NR2F1-AS1: variants seen among roughly 807,000 people sequenced by gnomAD.
NR2F1-AS1 encodes NR2F1 antisense RNA 1.
intron 4 of NR2F1-AS1, among the ~76,000 whole-genome samples, chr5:93,552,340 A>G (rs1752250019): frequency 6.6e-6 from 1 of 152,192 alleles, no homozygotes. Flanking sequence ...AATGGTAAGA[A>G]CGAGAATATG....
At chr5:93,564,745 C>T (rs1003548770) in intron 1 of NR2F1-AS1, among the ~76,000 whole-genome samples, 7 of 152,096 alleles carry the variant, frequency 4.6e-5, no homozygotes, top group Non-Finnish European at 7.4e-5. Flanking sequence ...TGTAAAAAGA[C>T]GCTTGTGTTT....
At chr5:93,460,818 A>C (rs1750074371) in intron 4 of NR2F1-AS1, among the ~76,000 whole-genome samples, 1 of 152,226 alleles carries the variant, frequency 6.6e-6, no homozygotes, top group African/African-American at 2.4e-5. Context: ...ACTATTATTA[A>C]AAAGTCAAAA....
chr5:93,544,124 A>T (rs1752021016), intron 4 of NR2F1-AS1: 1 of 152,208 alleles, frequency 6.6e-6, no homozygotes, highest in Admixed American at 6.5e-5. Flanking sequence ...AAATAAAATA[A>T]AATATTTTTA....
upstream of NR2F1-AS1, among the ~76,000 whole-genome samples, chr5:93,581,735 C>CTCTCTCTCTCT (rs1753057693): frequency 3.7e-5 from 1 of 26,778 alleles, no homozygotes; most frequent in African/African-American, 3.2e-4. Context: ...TCTCTCTCTC[C>CTCTCTCTCTCT]CCCTCTCCCT....
rs544796968 is a variant in NR2F1-AS1, at chr5:93,565,162, C to T, written n.314-1699G>A. On this transcript the variant is annotated intron_variant and non_coding_transcript_variant, in intron 1 of 5. Transcript: ENST00000660523. ...CCTGCCCTGTGACTTATTATATAGT[C>T]TTAGGCAAGTTACTTAGCCTTTCTT... Among the ~76,000 whole-genome samples, 5 of 152,244 alleles carry T rather than the reference C, an allele frequency of 3.3e-5. No homozygotes were observed. In the South Asian group the frequency reaches 1.0e-3, roughly 32 times the overall value.
rs1007863959 is a variant in NR2F1-AS1 at position 93,488,398 on chromosome 5, A to C, written n.638+65363T>G. ...GGAACTTAAACAAATTTACAAGAAA[A>C]AAACAAGCAACCCCATCAAAAAGTG... On this transcript the variant is annotated intron_variant and non_coding_transcript_variant, in intron 4 of 5. Coordinates refer to ENST00000660523, the Ensembl canonical transcript of NR2F1-AS1. Among the ~76,000 whole-genome samples the C allele has an allele frequency of 5.9e-5, 9 of 152,200 alleles. No homozygotes were observed. In the East Asian group the frequency reaches 1.5e-3, roughly 26 times the overall value.
At chr5:93,449,462 T>C (rs987298674) in intron 4 of NR2F1-AS1, among the ~76,000 whole-genome samples, 1 of 152,286 alleles carries the variant, frequency 6.6e-6, no homozygotes, top group South Asian at 2.1e-4. Context: ...TGTTTTAATC[T>C]TGCAAAATAC....
intron 4 of NR2F1-AS1, among the ~76,000 whole-genome samples, chr5:93,447,610 C>G (rs529834349): frequency 1.8e-3 from 272 of 152,286 alleles, no homozygotes; most frequent in South Asian, 2.5e-3. Context: ...GTTGGTGGGA[C>G]TGTAAACTAG....
intron 4 of NR2F1-AS1, among the ~76,000 whole-genome samples, chr5:93,494,216 G>C (rs756302525): frequency 1.4e-4 from 21 of 152,142 alleles, no homozygotes; most frequent in Non-Finnish European, 2.8e-4. Context: ...TTCTCCAAAA[G>C]AGATATATAG....
intron 1 of NR2F1-AS1, among the ~76,000 whole-genome samples, chr5:93,580,103 G>A (rs1010262785): frequency 1.3e-5 from 2 of 152,244 alleles, no homozygotes; most frequent in South Asian, 2.1e-4. Context: ...GGAACAGCCG[G>A]GCCGGTGTTA....
At chr5:93,570,568 C>T (rs1023846629) in intron 1 of NR2F1-AS1, 9 of 152,146 alleles carry the variant, frequency 5.9e-5, no homozygotes, top group Admixed American at 4.6e-4. Flanking sequence ...CGCGCGGAAC[C>T]GGGCCGTGGG....
chr5:93,580,116 C>T (rs1475256941), intron 1 of NR2F1-AS1, among the ~76,000 whole-genome samples: 1 of 152,224 alleles, frequency 6.6e-6, no homozygotes, highest in African/African-American at 2.4e-5. Flanking sequence ...CGGTGTTAAA[C>T]GTGCGGGTCC....
chr5:93,566,781 G>C (rs927522732), intron 1 of NR2F1-AS1, among the ~76,000 whole-genome samples: 6 of 151,872 alleles, frequency 4.0e-5, no homozygotes, highest in African/African-American at 1.4e-4. Context: ...GATGGCTAAA[G>C]ATTTATTTAA....
intron 4 of NR2F1-AS1, among the ~76,000 whole-genome samples, chr5:93,526,679 A>G (rs1751624427): frequency 6.6e-6 from 1 of 152,210 alleles, no homozygotes; most frequent in African/African-American, 2.4e-5. Context: ...CTGGGATGCA[A>G]GGCTGGTTCA....
At chr5:93,525,810 A>G (rs1367952929) in intron 4 of NR2F1-AS1, among the ~76,000 whole-genome samples, 6 of 152,218 alleles carry the variant, frequency 3.9e-5, no homozygotes, top group Admixed American at 3.9e-4. Context: ...GAAACCAATG[A>G]GAACAAAGAG....
At chr5:93,512,994 G>C (rs1160306700) in intron 4 of NR2F1-AS1, among the ~76,000 whole-genome samples, 2 of 152,044 alleles carry the variant, frequency 1.3e-5, no homozygotes, top group Non-Finnish European at 2.9e-5. Context: ...TTTCTCTTGA[G>C]AACTTTCACT....
chr5:93,544,355 G>A (rs904258006), intron 4 of NR2F1-AS1, among the ~76,000 whole-genome samples: 8 of 151,984 alleles, frequency 5.3e-5, no homozygotes, highest in African/African-American at 1.9e-4. Context: ...TTTCATTAAC[G>A]CTAAATTATT....
intron 4 of NR2F1-AS1, among the ~76,000 whole-genome samples, chr5:93,490,943 AGTGGTGGTG>A (rs1157276066): frequency 1.3e-5 from 1 of 79,466 alleles, no homozygotes; most frequent in Non-Finnish European, 2.6e-5. Flanking sequence ...TGGTGGTGGG[AGTGGTGGTG>A]GTGGTGGTGG....
intron 4 of NR2F1-AS1, among the ~76,000 whole-genome samples, chr5:93,527,570 G>A (rs1580304725): frequency 6.6e-6 from 1 of 152,146 alleles, no homozygotes; most frequent in South Asian, 2.1e-4. Flanking sequence ...CAAAGCTGGA[G>A]GCATCATGCT....
Sources: gnomAD v4.1 joint callset for allele counts (sites outside exome capture counted in the v4.1 genomes callset) on GRCh38, gnomAD v4.1.1 for gene constraint, MANE v1.5 for transcripts, NCBI Gene and HGNC (gene_info 2026-07-23, HGNC 2026-07-21) for gene names.